The following TMEM123 variants were observed in gnomAD, a reference collection of about 807,000 sequenced individuals.
TMEM123 encodes the protein transmembrane protein 123, also known as porimin.
A neutral mutation model predicts 19.7 loss-of-function variants in TMEM123; 16 were observed. The observed-to-expected ratio is 0.81, with a 90% CI of 0.55 to 1.23. TMEM123 has a LOEUF of 1.23. TMEM123 is among the 50% of genes most tolerant of loss of function. The pLI is 0.00. For missense variants in TMEM123, 313 were observed against 257.8 expected (o/e 1.21, Z -1.47); for synonymous variants, 118 against 99.4 (o/e 1.19, Z -1.12).
intron 1 of TMEM123, among the ~76,000 whole-genome samples, chr11:102,450,852 T>G (rs1857931053): frequency 6.6e-6 from 1 of 152,228 alleles, no homozygotes; most frequent in South Asian, 2.1e-4. Context: ...ATTAAGAGTT[T>G]TAGTATGATG....
At chr11:102,421,487 C>G (rs1268013405) in intron 2 of TMEM123, among the ~76,000 whole-genome samples, 1 of 150,712 alleles carries the variant, frequency 6.6e-6, no homozygotes, top group Non-Finnish European at 1.5e-5. Context: ...TTAACAAGCT[C>G]AAAGCACCAC....
At chr11:102,440,111 T>C (rs189115906) in intron 2 of TMEM123, among the ~76,000 whole-genome samples, 21 of 152,310 alleles carry the variant, frequency 1.4e-4, no homozygotes, top group African/African-American at 5.1e-4. Context: ...TGGAACCAAG[T>C]TGGAAAACAC....
chr11:102,430,585 G>A (rs538218176), intron 2 of TMEM123, among the ~76,000 whole-genome samples: 2 of 152,326 alleles, frequency 1.3e-5, no homozygotes, highest in East Asian at 3.9e-4. Context: ...AGCTCTTCAG[G>A]TAGTGAGAAC....
chr11:102,440,132 A>T (rs1192089054), intron 2 of TMEM123, among the ~76,000 whole-genome samples: 2 of 152,200 alleles, frequency 1.3e-5, no homozygotes, highest in Non-Finnish European at 2.9e-5. Context: ...TCTTCAGGAT[A>T]TTATCCAGGA....
chr11:102,414,456 A>C (rs2135849172), intron 2 of TMEM123, among the ~76,000 whole-genome samples: 1 of 152,306 alleles, frequency 6.6e-6, no homozygotes, highest in Non-Finnish European at 1.5e-5. Context: ...GAGAAGGGGC[A>C]GGTAACTTAC....
chr11:102,399,773 C>A (rs1023365584), intron 4 of TMEM123, among the ~76,000 whole-genome samples: 2 of 152,100 alleles, frequency 1.3e-5, no homozygotes, highest in Non-Finnish European at 2.9e-5. Flanking sequence ...AGTTTGAGAC[C>A]AGCCTGGCCA....
chr11:102,414,159 T>C (rs12283520), intron 2 of TMEM123, among the ~76,000 whole-genome samples: 1,867 of 151,860 alleles, frequency 0.012, 39 homozygotes, highest in African/African-American at 0.043. Context: ...CAAAAAAGAA[T>C]GAAAAGAAAT....
chr11:102,430,135 G>A (rs1857680569), intron 2 of TMEM123, among the ~76,000 whole-genome samples: 1 of 152,174 alleles, frequency 6.6e-6, no homozygotes, highest in African/African-American at 2.4e-5. Flanking sequence ...AGTTGCCCGG[G>A]ACCACAGAAG....
At chr11:102,399,081 G>A (rs1178613505) in intron 4 of TMEM123, among the ~76,000 whole-genome samples, 190 bp from the exon 5 acceptor site, 1 of 152,200 alleles carries the variant, frequency 6.6e-6, no homozygotes, top group Non-Finnish European at 1.5e-5. Context: ...TTAATGGCAT[G>A]GGGATCCACC....
rs148195242 is a variant in TMEM123, at chr11:102,448,206, T to C, written c.157+606A>G. On this transcript the variant is annotated intron_variant, in intron 2 of 4. Transcript: ENST00000398136. Reference sequence around the variant, plus strand: ...GTGAAGATTAAGGGCAGTGAGAAGATAACTTAAAAATTGTTTACAAGAAAC... The same window carrying C: ...GTGAAGATTAAGGGCAGTGAGAAGACAACTTAAAAATTGTTTACAAGAAAC... 1.1e-3 allele frequency: 508 copies of C among 455,970 alleles called. 9 individuals carry two copies. The East Asian group carries it at 0.029, about 26-fold the overall frequency. 28.2% of individuals were successfully genotyped at this position (455,970 alleles called of 1,614,324 possible). A position where few individuals can be genotyped will look rare whatever the true frequency, so the allele number is the denominator to read the frequency against.
chr11:102,428,757 A>G (rs1345032821), intron 2 of TMEM123, among the ~76,000 whole-genome samples: 1 of 152,180 alleles, frequency 6.6e-6, no homozygotes, highest in African/African-American at 2.4e-5. Flanking sequence ...TCCATCTCCA[A>G]TTTAAGTGGT....
intron 2 of TMEM123, among the ~76,000 whole-genome samples, chr11:102,439,734 CGGTAATA>C (rs1009077333): frequency 1.3e-5 from 2 of 152,140 alleles, no homozygotes; most frequent in Non-Finnish European, 2.9e-5. Flanking sequence ...TTCAGACGAT[CGGTAATA>C]ACAAACTTCT....
chr11:102,451,002 T>A (rs764355876), intron 1 of TMEM123, among the ~76,000 whole-genome samples: 1 of 152,216 alleles, frequency 6.6e-6, no homozygotes, highest in Non-Finnish European at 1.5e-5. Context: ...CATTATATAG[T>A]CTGTAGAAAC....
At chr11:102,414,274 T>C (rs1276668161) in intron 2 of TMEM123, among the ~76,000 whole-genome samples, 3 of 152,150 alleles carry the variant, frequency 2.0e-5, no homozygotes, top group African/African-American at 7.2e-5. Context: ...CTGGAAAACA[T>C]ATTTGAGGAT....
At chr11:102,435,925 G>A (rs1857758028) in intron 2 of TMEM123, among the ~76,000 whole-genome samples, 1 of 151,816 alleles carries the variant, frequency 6.6e-6, no homozygotes, top group South Asian at 2.1e-4. Context: ...TTTTTGAGGT[G>A]ATGAAACTGT....
At chr11:102,399,960 A>AT (rs1951896278) in intron 4 of TMEM123, among the ~76,000 whole-genome samples, 1 of 99,694 alleles carries the variant, frequency 1.0e-5, no homozygotes, top group Non-Finnish European at 2.0e-5. Context: ...ACAAGAGGGA[A>AT]ACTCCATCTC....
intron 2 of TMEM123, among the ~76,000 whole-genome samples, chr11:102,415,588 T>G (rs750151603): frequency 3.9e-5 from 6 of 152,008 alleles, no homozygotes; most frequent in Non-Finnish European, 7.4e-5. Context: ...GGGTAAACAA[T>G]GAAATTAAGG....
intron 2 of TMEM123, among the ~76,000 whole-genome samples, chr11:102,442,790 G>C (rs1172919236): frequency 2.0e-5 from 3 of 152,172 alleles, no homozygotes; most frequent in Non-Finnish European, 2.9e-5. Context: ...TGTATATTTA[G>C]AAAACCCCAT....
chr11:102,452,069 T>C (rs1857946574), intron 1 of TMEM123: 1 of 153,496 alleles, frequency 6.5e-6, no homozygotes, highest in Non-Finnish European at 1.5e-5. Context: ...TATTAGACGC[T>C]GAAATGCCTG....
Sources: gnomAD v4.1 joint callset for allele counts (sites outside exome capture counted in the v4.1 genomes callset) on GRCh38, gnomAD v4.1.1 for gene constraint, MANE v1.5 for transcripts, NCBI Gene and HGNC (gene_info 2026-07-23, HGNC 2026-07-21) for gene names.